Variants in ANO3 observed in about 807,000 individuals in gnomAD.
ANO3 encodes the protein anoctamin-3.
ANO3 carries 99 observed loss-of-function variants against 144.8 expected under a neutral mutation model. The ratio of observed to expected loss-of-function variants is 0.68; its 90% CI spans 0.58 to 0.81. The LOEUF (loss-of-function observed/expected upper bound fraction) is 0.81. Ranked by LOEUF, ANO3 falls within the 30% of genes least tolerant of loss-of-function variation. The pLI, the probability that ANO3 is intolerant of heterozygous loss-of-function variation, is 0.00. For missense variants in ANO3, 905 were observed against 1,202.2 expected (o/e 0.75, Z 3.66); for synonymous variants, 414 against 392.6 (o/e 1.05, Z -0.64).
chr11:26,230,886 T>C (rs1215276858), intron 1 of ANO3, among the ~76,000 whole-genome samples: 4 of 148,966 alleles, frequency 2.7e-5, no homozygotes, highest in Admixed American at 2.7e-4. Flanking sequence ...GAAGTTTTTT[T>C]CTTTTTTTTT....
At chr11:26,322,116 T>C (rs763535193) in intron 1 of ANO3, among the ~76,000 whole-genome samples, 1 of 152,130 alleles carries the variant, frequency 6.6e-6, no homozygotes, top group Non-Finnish European at 1.5e-5. Flanking sequence ...CTTCAGTTTA[T>C]GTACCGCATT....
At chr11:26,506,852 C>T (rs1388484697) in intron 4 of ANO3, among the ~76,000 whole-genome samples, 2 of 152,166 alleles carry the variant, frequency 1.3e-5, no homozygotes, top group African/African-American at 4.8e-5. Context: ...CATCAGGTTG[C>T]TCTGGTCCTC....
At chr11:26,321,133 A>G (rs956965211) in intron 1 of ANO3, among the ~76,000 whole-genome samples, 2 of 152,036 alleles carry the variant, frequency 1.3e-5, no homozygotes, top group East Asian at 1.9e-4. Flanking sequence ...CTTTGTTCTC[A>G]TAATCAAATA....
intron 4 of ANO3, among the ~76,000 whole-genome samples, chr11:26,464,211 T>C (rs1454255690): frequency 1.5e-5 from 2 of 131,570 alleles, no homozygotes; most frequent in African/African-American, 6.8e-5. Flanking sequence ...TCTTTATTAC[T>C]GTTTGTTTGG....
intron 1 of ANO3, among the ~76,000 whole-genome samples, chr11:26,353,437 T>TATTC (rs1855698171): frequency 6.6e-6 from 1 of 152,232 alleles, no homozygotes; most frequent in Admixed American, 6.5e-5. Flanking sequence ...CTGGAGTTTT[T>TATTC]ATTCTCCTGT....
chr11:26,570,784 CTGAG>C (rs1850793334), intron 14 of ANO3, among the ~76,000 whole-genome samples: 1 of 152,014 alleles, frequency 6.6e-6, no homozygotes. Context: ...GAGTGTTACT[CTGAG>C]TGACTTTTTC....
At chr11:26,330,538 T>C (rs958769435), upstream of ANO3, among the ~76,000 whole-genome samples, 3 of 152,204 alleles carry the variant, frequency 2.0e-5, no homozygotes, top group Non-Finnish European at 4.4e-5. Flanking sequence ...CATTGTTTGC[T>C]CTTCCTCCCA....
intron 4 of ANO3, among the ~76,000 whole-genome samples, chr11:26,506,953 C>T (rs1861457851): frequency 6.6e-6 from 1 of 152,094 alleles, no homozygotes; most frequent in Admixed American, 6.5e-5. Context: ...TAATATCTCC[C>T]CAGACATTGG....
chr11:26,328,790 G>A (rs1854956662), upstream of ANO3, among the ~76,000 whole-genome samples: 1 of 152,044 alleles, frequency 6.6e-6, no homozygotes, highest in Non-Finnish European at 1.5e-5. Context: ...GGGTAGGGGG[G>A]TTGAAGATCT....
intron 1 of ANO3, among the ~76,000 whole-genome samples, chr11:26,363,677 C>T (rs551710311): frequency 1.2e-4 from 19 of 152,240 alleles, no homozygotes; most frequent in East Asian, 1.9e-4. Context: ...ACAGAGTCCA[C>T]GCCTATGCTT....
rs749954912 is a variant in ANO3, at chr11:26,542,052, C to A, written c.1138C>A (p.Pro380Thr). Reference sequence around the variant, plus strand: ...CTGGGGAATGTGGTATAAGCATCAGCCTCTGGATTTAATCAGGTACTGCAA... The same window carrying A: ...CTGGGGAATGTGGTATAAGCATCAGACTCTGGATTTAATCAGGTACTGCAA... The part of the protein sequence containing the change: ...ARWGMWYKHQ[P>T]LDLIRLYFGE... The change falls in exon 11 of 27, where the codon CCT (proline) becomes ACT (threonine). Residue 380 changes from proline to threonine, a missense_variant. Transcript: ENST00000256737. The A allele has an allele frequency of 6.2e-7, 1 of 1,610,440 alleles. No individual in the cohort carries two copies. The highest frequency in any genetic ancestry group is 8.5e-7 in the Non-Finnish European group (1 of 1,178,320).
At chr11:26,635,177 A>T in intron 20 of ANO3, 107 bp downstream of exon 20, 1 of 939,304 alleles carries the variant, frequency 1.1e-6, no homozygotes, top group Non-Finnish European at 1.7e-6. Context: ...CTTTATGGAT[A>T]TTGAAGACGA....
At chr11:26,598,815 G>A in intron 15 of ANO3, 43 bp from the exon 16 acceptor site, 1 of 1,589,924 alleles carries the variant, frequency 6.3e-7, no homozygotes, top group Non-Finnish European at 8.6e-7. Context: ...TGTTTTTTTA[G>A]TTTATGGCTT....
At chr11:26,300,703 C>T (rs1048387151) in intron 1 of ANO3, among the ~76,000 whole-genome samples, 22 of 152,124 alleles carry the variant, frequency 1.4e-4, no homozygotes, top group African/African-American at 5.3e-4. Context: ...TAATGTTTAG[C>T]AGATGCTCAA....
intron 1 of ANO3, among the ~76,000 whole-genome samples, chr11:26,351,203 C>T (rs1855636495): frequency 6.6e-6 from 1 of 152,012 alleles, no homozygotes; most frequent in South Asian, 2.1e-4. Flanking sequence ...AGATGGTCTT[C>T]TATATCAATA....
intron 1 of ANO3, among the ~76,000 whole-genome samples, chr11:26,352,749 C>T (rs1855680754): frequency 6.6e-6 from 1 of 152,118 alleles, no homozygotes; most frequent in Non-Finnish European, 1.5e-5. Flanking sequence ...ACAACTTCTT[C>T]AGTTATTTTG....
intron 1 of ANO3, among the ~76,000 whole-genome samples, chr11:26,387,563 T>C (rs1856768690): frequency 6.6e-6 from 1 of 152,194 alleles, no homozygotes; most frequent in African/African-American, 2.4e-5. Flanking sequence ...TCTGATTCTA[T>C]ATTTTTCTTT....
intron 1 of ANO3, among the ~76,000 whole-genome samples, chr11:26,190,203 T>G (rs1288345205): frequency 6.6e-6 from 1 of 152,126 alleles, no homozygotes; most frequent in Non-Finnish European, 1.5e-5. Flanking sequence ...ACATGAAAAA[T>G]CTTGTAGAAA....
intron 1 of ANO3, among the ~76,000 whole-genome samples, chr11:26,370,595 A>C (rs984289700): frequency 6.6e-6 from 1 of 152,180 alleles, no homozygotes; most frequent in Non-Finnish European, 1.5e-5. Flanking sequence ...GAAACTTCTT[A>C]AAACTTGGAG....
Sources: gnomAD v4.1 joint callset for allele counts (sites outside exome capture counted in the v4.1 genomes callset) on GRCh38, gnomAD v4.1.1 for gene constraint, MANE v1.5 for transcripts, NCBI Gene and HGNC (gene_info 2026-07-23, HGNC 2026-07-21) for gene names.